Variants in ITGB2 observed in about 807,000 individuals in gnomAD.
ITGB2 encodes integrin subunit beta 2, also known as integrin beta-2.
In ITGB2, 56 loss-of-function variants were observed where a neutral mutation model predicts 86.8. The observed-to-expected ratio is 0.65, with a 90% CI of 0.52 to 0.81. The LOEUF (loss-of-function observed/expected upper bound fraction) is 0.81, where lower values mean the gene tolerates loss of function less well. Ranked by LOEUF, ITGB2 falls within the 30% of genes least tolerant of loss-of-function variation. The pLI, the probability that ITGB2 is intolerant of heterozygous loss-of-function variation, is 0.00. For missense variants in ITGB2, 948 were observed against 1,061.2 expected, an observed-to-expected ratio of 0.89 and a Z score of 1.48; for synonymous variants, 457 against 450.4, an observed-to-expected ratio of 1.01 and a Z score of -0.19.
At position 44,895,797 on chromosome 21, in the gene ITGB2, A is replaced by G. The variant is rs1288470657; in HGVS notation, c.994-737T>C. ...CAATGAGCTGAGATCACACCATGGC[A>G]CTCCAGCCTGGGCAACAAGAGCAAA... On this transcript the variant is annotated intron_variant, in intron 8 of 15. Coordinates refer to ENST00000652462, the MANE Select transcript of ITGB2 (RefSeq NM_000211.5). 1.3e-5 allele frequency among the ~76,000 whole-genome samples: 2 copies of G among 151,980 alleles called. 1 individual carries two copies. The highest frequency in any genetic ancestry group is 2.9e-5 in the Non-Finnish European group (2 of 67,998).
chr21:44,925,529 C>T (rs2084362417), upstream of ITGB2, among the ~76,000 whole-genome samples: 1 of 151,862 alleles, frequency 6.6e-6, no homozygotes, highest in South Asian at 2.1e-4. Context: ...AACCACAGCC[C>T]ACAAGAGGCA....
chr21:44,907,610 C>T (rs1051107311), intron 3 of ITGB2, among the ~76,000 whole-genome samples: 1 of 152,262 alleles, frequency 6.6e-6, no homozygotes, highest in Non-Finnish European at 1.5e-5. Flanking sequence ...GCTTTCCTCT[C>T]AGCCACTTTG....
chr21:44,900,678 C>G (rs974081707), intron 6 of ITGB2, among the ~76,000 whole-genome samples: 3 of 152,152 alleles, frequency 2.0e-5, no homozygotes, highest in African/African-American at 7.2e-5. Context: ...ACCCCGTGCA[C>G]ATGTGAGGCG....
At chr21:44,911,373 C>T (rs2084129748) in intron 1 of ITGB2, 1 of 161,484 alleles carries the variant, frequency 6.2e-6, no homozygotes, top group South Asian at 1.6e-4. Flanking sequence ...GAACCCCACA[C>T]ACCCGGTGTG....
intron 9 of ITGB2, 184 bp downstream of exon 9, chr21:44,894,787 C>A (rs76928612): frequency 3.1e-6 from 2 of 655,540 alleles, no homozygotes; most frequent in Non-Finnish European, 2.8e-6. Context: ...CAGAGCTCCC[C>A]GTGGAAGTGC....
At position 44,903,434 on chromosome 21, in the gene ITGB2, T is replaced by C. The variant is rs967013870; in HGVS notation, c.430A>G (p.Arg144Gly). ...TCGCCACCTAGCTTCTTGACATTCCTGAGGTCATCAAGCATGGAGTAGGAG... is the reference window on the plus strand; with the variant it reads ...TCGCCACCTAGCTTCTTGACATTCCCGAGGTCATCAAGCATGGAGTAGGAG... ...DLSYSMLDDLRNVKKLGGDLL... is the reference protein window; with the variant it reads ...DLSYSMLDDLGNVKKLGGDLL... Residue 144 changes from arginine to glycine, a missense_variant, in exon 5 of 16, where the codon AGG (arginine) becomes GGG (glycine). By Grantham distance (125) the Arg-to-Gly change is moderately radical. Transcript: ENST00000652462. 6.2e-7 allele frequency: 1 copy of C among 1,613,992 alleles called. No homozygotes were observed. The highest frequency in any genetic ancestry group is 8.5e-7 in the Non-Finnish European group (1 of 1,179,962).
chr21:44,913,480 T>A (rs138024646), intron 1 of ITGB2, among the ~76,000 whole-genome samples: 245 of 152,216 alleles, frequency 1.6e-3, no homozygotes, highest in African/African-American at 5.4e-3. Flanking sequence ...CACCCCAACC[T>A]TGACCACAGG....
At chr21:44,918,996 C>CGTCCCCTCTCCCAGCACTCGG (rs2084253201) in intron 1 of ITGB2, among the ~76,000 whole-genome samples, 1 of 59,662 alleles carries the variant, frequency 1.7e-5, no homozygotes, top group Admixed American at 1.5e-4. Flanking sequence ...CGGAGCTGAG[C>CGTCCCCTCTCCCAGCACTCGG]ATTCCCCTCT....
At position 44,890,096 on chromosome 21, in the gene ITGB2, GAC is replaced by G. The variant is rs1230903176; in HGVS notation, c.1537_1538del (p.Val513LeufsTer24). On this transcript the variant is annotated frameshift_variant, in exon 12 of 16. Transcript: ENST00000652462. LOFTEE classifies it high-confidence loss of function. ...TGGTGTGGCACAGGCACTGCCCGCA[GAC>G]ACAGTCCCCCAGCCCTGAGCAGATG... is the stretch of plus-strand genomic sequence containing the variant. ...SIICSGLGDC[V>X]CGQCLCHTSD... 6.2e-7 allele frequency: 1 copy of G among 1,613,502 alleles called. No individual in the cohort carries two copies. The highest frequency in any genetic ancestry group is 8.5e-7 in the Non-Finnish European group (1 of 1,180,012).
At chr21:44,888,996 G>T in intron 13 of ITGB2, 101 bp from the exon 14 acceptor site, 6 of 1,052,404 alleles carry the variant, frequency 5.7e-6, no homozygotes, top group Admixed American at 2.0e-5. Context: ...GGCAGGTGGG[G>T]TTGGGGCGCC....
At chr21:44,910,481 C>G in intron 2 of ITGB2, 109 bp from the exon 3 acceptor site, 1 of 1,577,186 alleles carries the variant, frequency 6.3e-7, no homozygotes, top group East Asian at 2.3e-5. Flanking sequence ...AGGGAGGCAG[C>G]CTCCAGGAGG....
chr21:44,926,104 C>CA (rs897841967), intron 1 of ITGB2, among the ~76,000 whole-genome samples: 67 of 151,298 alleles, frequency 4.4e-4, no homozygotes, highest in Admixed American at 1.3e-4. Flanking sequence ...GACTCCGTCT[C>CA]AAAAAATATA....
At position 44,906,967 on chromosome 21, in the gene ITGB2, A is replaced by G; in HGVS notation, c.276T>C (p.Asn92=). The G allele has an allele frequency of 1.2e-6, 2 of 1,614,064 alleles. No homozygotes were observed. ...TSLAETQEDH[N]GGQKQLSPQK... The stretch of plus-strand genomic sequence containing the variant: ...GTGGGGACAGCTGCTTCTGGCCCCC[A>G]TTGTGGTCTTCCTGGGTTTCAGCGA... The change falls in exon 4 of 16, where the codon AAT becomes AAC. Residue 92 remains asparagine (N), a synonymous_variant. Transcript: ENST00000652462.
chr21:44,910,216 C>A, intron 3 of ITGB2, 68 bp downstream of exon 3: 5 of 1,574,552 alleles, frequency 3.2e-6, no homozygotes, highest in Middle Eastern at 1.8e-4. Context: ...GTGCCACTGG[C>A]TTCAGGGGCA....
chr21:44,891,466 C>T (rs910668521), intron 11 of ITGB2, among the ~76,000 whole-genome samples: 4 of 152,224 alleles, frequency 2.6e-5, no homozygotes, highest in African/African-American at 4.8e-5. Context: ...GCCATGGGCA[C>T]GCCCAGCGGG....
intron 10 of ITGB2, among the ~76,000 whole-genome samples, 168 bp from the exon 11 acceptor site, chr21:44,892,164 C>T (rs191051860): frequency 7.2e-4 from 110 of 152,338 alleles, no homozygotes; most frequent in African/African-American, 2.5e-3. Context: ...GAGCCAAAGT[C>T]AGCCGGCAAG....
At chr21:44,902,793 T>A (rs932018107) in intron 5 of ITGB2, among the ~76,000 whole-genome samples, 14 of 152,132 alleles carry the variant, frequency 9.2e-5, no homozygotes, top group Non-Finnish European at 2.1e-4. Context: ...TGCATTTGTG[T>A]GAGCATGCAT....
intron 4 of ITGB2, 60 bp from the exon 5 acceptor site, chr21:44,903,595 G>GCCACACGCCCCCA: frequency 6.2e-7 from 1 of 1,603,600 alleles, no homozygotes. Flanking sequence ...GGTGTCTGGG[G>GCCACACGCCCCCA]GCGTGTGGCC....
chr21:44,917,237 C>T (rs1362941834), intron 1 of ITGB2, among the ~76,000 whole-genome samples: 1 of 152,154 alleles, frequency 6.6e-6, no homozygotes, highest in Non-Finnish European at 1.5e-5. Context: ...GCTATGGAGT[C>T]CCACACAGCA....
Sources: allele counts gnomAD v4.1 joint callset (sites outside exome capture counted in the v4.1 genomes callset), GRCh38; gene constraint gnomAD v4.1.1; transcripts MANE v1.5; gene names NCBI Gene and HGNC (gene_info 2026-07-23, HGNC 2026-07-21).